DGKI: variants seen among roughly 807,000 people sequenced by gnomAD.
DGKI encodes the protein DAG kinase iota.
DGKI carries 55 observed loss-of-function variants against 147.5 expected under a neutral mutation model. That is an observed-to-expected ratio of 0.37 (90% CI 0.30 to 0.47). DGKI has a LOEUF of 0.47. DGKI is among the 20% of genes least tolerant of loss of function. DGKI has a pLI of 1.00. For missense variants in DGKI, 1,007 were observed against 1,323.8 expected (o/e 0.76, Z 3.71); for synonymous variants, 469 against 477.1 (o/e 0.98, Z 0.22).
intron 23 of DGKI, among the ~76,000 whole-genome samples, chr7:137,479,430 T>C (rs1163291210): frequency 1.3e-5 from 2 of 152,292 alleles, no homozygotes; most frequent in African/African-American, 2.4e-5. Context: ...CATATATATA[T>C]ATATTTCTGA....
chr7:137,623,585 T>C, intron 6 of DGKI, 31 bp from the exon 7 acceptor site: 1 of 1,590,400 alleles, frequency 6.3e-7, no homozygotes, highest in African/African-American at 1.3e-5. Context: ...ACAGATAATT[T>C]AAAACCACCT....
intron 6 of DGKI, among the ~76,000 whole-genome samples, chr7:137,633,256 G>A (rs1267219670): frequency 6.6e-6 from 1 of 150,834 alleles, no homozygotes; most frequent in African/African-American, 2.4e-5. Flanking sequence ...GACCAGGGCT[G>A]GTTTTCAGAG....
intron 1 of DGKI, among the ~76,000 whole-genome samples, chr7:137,780,416 G>A (rs1170586453): frequency 6.6e-6 from 1 of 152,150 alleles, no homozygotes; most frequent in Non-Finnish European, 1.5e-5. Flanking sequence ...AGACAAATTT[G>A]GCAGTCATGA....
intron 21 of DGKI, among the ~76,000 whole-genome samples, chr7:137,499,040 T>C (rs1343683478): frequency 1.3e-5 from 2 of 152,186 alleles, no homozygotes; most frequent in Admixed American, 6.5e-5. Flanking sequence ...AGAGACTCTT[T>C]TCAGCTTTCT....
intron 1 of DGKI, among the ~76,000 whole-genome samples, chr7:137,804,882 T>A (rs1030900659): frequency 6.6e-6 from 1 of 152,218 alleles, no homozygotes; most frequent in African/African-American, 2.4e-5. Context: ...TAAATCCTCA[T>A]CCAGGTCTCC....
rs868091145 is a variant in DGKI, at chr7:137,691,821, T to A, written c.402-1819A>T. Among the ~76,000 whole-genome samples, 1,268 of 142,040 alleles carry A rather than the reference T, an allele frequency of 8.9e-3. 27 individuals carry two copies. Among genetic ancestry groups the A allele is most frequent in the African/African-American group, 0.035 (1,224 of 35,188 alleles). The allele number at this position is 142,040 out of a possible 152,430, so 93.2% of individuals were successfully genotyped here. On this transcript the variant is annotated intron_variant, in intron 1 of 32. Coordinates refer to ENST00000614521, the MANE Select transcript of DGKI (RefSeq NM_001321708.2). Reference sequence around the variant, plus strand: ...GGGTTTTTTTTTTTTTTTTTTTTTTTAAGCCTCTTGTATTCCTATACAGGA... The same window carrying A: ...GGGTTTTTTTTTTTTTTTTTTTTTTAAAGCCTCTTGTATTCCTATACAGGA...
chr7:137,760,960 C>T (rs1045953428), intron 1 of DGKI, among the ~76,000 whole-genome samples: 3 of 152,188 alleles, frequency 2.0e-5, no homozygotes, highest in Admixed American at 1.3e-4. Context: ...CTTAATTCAA[C>T]CAAAATTTCC....
intron 1 of DGKI, among the ~76,000 whole-genome samples, chr7:137,838,739 T>G (rs1303750570): frequency 3.3e-5 from 5 of 152,256 alleles, no homozygotes; most frequent in Admixed American, 2.6e-4. Flanking sequence ...AGCCGTTTTA[T>G]TTGTCCAACA....
At chr7:137,493,945 A>G (rs1815866943) in intron 21 of DGKI, 1 of 563,556 alleles carries the variant, frequency 1.8e-6, no homozygotes, top group Admixed American at 3.2e-5. Context: ...ATAAAATGAT[A>G]CAGCAGATGA....
intron 23 of DGKI, among the ~76,000 whole-genome samples, chr7:137,481,593 A>T (rs1815373938): frequency 1.3e-5 from 2 of 152,120 alleles, no homozygotes; most frequent in Admixed American, 1.3e-4. Context: ...ACATTCTTGT[A>T]TAACCCATAA....
intron 6 of DGKI, among the ~76,000 whole-genome samples, chr7:137,633,381 G>A (rs549564558): frequency 1.3e-5 from 2 of 152,276 alleles, no homozygotes; most frequent in South Asian, 2.1e-4. Context: ...TTGGTCTGTT[G>A]TGTAAGAGGA....
intron 31 of DGKI, among the ~76,000 whole-genome samples, 183 bp downstream of exon 31, chr7:137,397,194 C>T (rs1214448026): frequency 6.6e-6 from 1 of 152,220 alleles, no homozygotes; most frequent in Admixed American, 6.5e-5. Context: ...CAATTGTCAT[C>T]AATTTCTATT....
chr7:137,581,764 T>C, intron 15 of DGKI, 86 bp downstream of exon 15: 1 of 1,139,302 alleles, frequency 8.8e-7, no homozygotes, highest in Non-Finnish European at 1.3e-6. Context: ...TGTAAACGCG[T>C]AAGTGATATA....
At chr7:137,628,189 C>T (rs1363425033) in intron 6 of DGKI, among the ~76,000 whole-genome samples, 2 of 152,082 alleles carry the variant, frequency 1.3e-5, no homozygotes. Flanking sequence ...TATTAGCCCT[C>T]TGGTTTTTGG....
At chr7:137,672,173 C>A (rs567506166) in intron 3 of DGKI, among the ~76,000 whole-genome samples, 1 of 152,226 alleles carries the variant, frequency 6.6e-6, no homozygotes, top group African/African-American at 2.4e-5. Flanking sequence ...GTAGACGCAC[C>A]TGTGTGCATA....
intron 1 of DGKI, among the ~76,000 whole-genome samples, chr7:137,725,057 A>T (rs911896445): frequency 5.3e-5 from 8 of 152,182 alleles, no homozygotes; most frequent in Middle Eastern, 3.4e-3. Flanking sequence ...TGAGAAGGGG[A>T]TGAGGTGGGG....
chr7:137,522,789 AT>A (rs1281444036), intron 20 of DGKI, among the ~76,000 whole-genome samples: 1 of 152,104 alleles, frequency 6.6e-6, no homozygotes, highest in African/African-American at 2.4e-5. Context: ...GAGTGGAATA[AT>A]TTGGTTTTCA....
At chr7:137,597,801 G>C (rs369606750) in intron 12 of DGKI, 46 bp downstream of exon 12, 31 of 1,571,846 alleles carry the variant, frequency 2.0e-5, no homozygotes, top group Admixed American at 5.0e-5. Context: ...AAAACAATAA[G>C]AAAGATAGAA....
At chr7:137,595,459 C>CT (rs1283726189) in intron 12 of DGKI, among the ~76,000 whole-genome samples, 3 of 152,132 alleles carry the variant, frequency 2.0e-5, no homozygotes, top group Non-Finnish European at 4.4e-5. Context: ...CTTGAAACTC[C>CT]TTTTTTGGTT....
Sources: allele counts gnomAD v4.1 joint callset (sites outside exome capture counted in the v4.1 genomes callset), GRCh38; gene constraint gnomAD v4.1.1; transcripts MANE v1.5; gene names NCBI Gene and HGNC (gene_info 2026-07-23, HGNC 2026-07-21).